The following RNLS variants were observed in gnomAD, a reference collection of about 807,000 sequenced individuals.
RNLS encodes the protein renalase, FAD dependent amine oxidase, also known as renalase.
In RNLS, 39 loss-of-function variants were observed where a neutral mutation model predicts 39.8. The ratio of observed to expected loss-of-function variants is 0.98; its 90% CI spans 0.76 to 1.28. The LOEUF (loss-of-function observed/expected upper bound fraction) is 1.28. Among genes scored for constraint, RNLS ranks in the 50% most tolerant of loss-of-function variants. The pLI, the probability that RNLS is intolerant of heterozygous loss-of-function variation, is 0.00. For missense variants in RNLS, 410 were observed against 413.3 expected, an observed-to-expected ratio of 0.99 and a Z score of 0.07; for synonymous variants, 147 against 150.7, an observed-to-expected ratio of 0.98 and a Z score of 0.18.
chr10:88,238,936 C>T, the RNLS span, among the ~76,000 whole-genome samples: 3 of 152,056 alleles, frequency 2.0e-5, no homozygotes, highest in Non-Finnish European at 4.4e-5. Context: ...CCTATGCCAG[C>T]CATGTGGTAG....
At chr10:88,413,054 T>C (rs113821058) in intron 4 of RNLS, among the ~76,000 whole-genome samples, 2,904 of 152,276 alleles carry the variant, frequency 0.019, 100 homozygotes, top group African/African-American at 0.066. Context: ...TGGGAGAGAA[T>C]GTCAGTAACA....
chr10:88,362,554 A>G lies in RNLS; in HGVS notation c.698T>C (p.Ile233Thr). The G allele has an allele frequency of 6.2e-7, 1 of 1,613,610 alleles. No homozygotes were observed. The highest frequency in any genetic ancestry group is 1.3e-5 in the African/African-American group (1 of 75,022). Residue 233 changes from isoleucine (I) to threonine (T), a missense_variant and splice_region_variant, in exon 5 of 7, where the codon ATA (isoleucine) becomes ACA (threonine). Transcript: ENST00000331772. Reference protein sequence around the residue: ...FVSIDNKKRNIESSEIGPSLV... With the variant: ...FVSIDNKKRNTESSEIGPSLV... ...AGGGAAATAATAGGGGTACTGACCT[A>G]TATTGCGCTTCTTATTATCAATGGA...
chr10:88,214,498 CAAAAAAAAAAAAA>C, the RNLS span, among the ~76,000 whole-genome samples: 1 of 135,128 alleles, frequency 7.4e-6, no homozygotes, highest in Non-Finnish European at 1.6e-5. Flanking sequence ...GACTCCGTCT[CAAAAAAAAAAAAA>C]AAAAAAAAAA....
chr10:88,455,923 C>G (rs1842605468), intron 4 of RNLS, among the ~76,000 whole-genome samples: 1 of 152,170 alleles, frequency 6.6e-6, no homozygotes, highest in South Asian at 2.1e-4. Flanking sequence ...TAATCTACCT[C>G]CATTAAAAGC....
chr10:88,427,437 T>C (rs910206934), intron 4 of RNLS, among the ~76,000 whole-genome samples: 2 of 152,062 alleles, frequency 1.3e-5, no homozygotes, highest in Non-Finnish European at 2.9e-5. Context: ...TGTTGATCTC[T>C]TTCCAATATC....
At chr10:88,550,592 G>A (rs567554353) in intron 4 of RNLS, among the ~76,000 whole-genome samples, 1 of 152,112 alleles carries the variant, frequency 6.6e-6, no homozygotes, top group East Asian at 1.9e-4. Context: ...TTGAATATAA[G>A]CCTTTTTGTT....
At chr10:88,497,804 T>C (rs536513998) in intron 4 of RNLS, among the ~76,000 whole-genome samples, 1 of 151,702 alleles carries the variant, frequency 6.6e-6, no homozygotes, top group Non-Finnish European at 1.5e-5. Flanking sequence ...AGGGAAGGTG[T>C]GAGGAGGAAG....
intron 4 of RNLS, among the ~76,000 whole-genome samples, chr10:88,469,321 T>G (rs961264846): frequency 6.6e-6 from 1 of 152,164 alleles, no homozygotes; most frequent in Non-Finnish European, 1.5e-5. Flanking sequence ...TTTTCCACAG[T>G]GACTGTTTGA....
At chr10:88,545,484 CA>C in intron 4 of RNLS, 2 of 455,784 alleles carry the variant, frequency 4.4e-6, no homozygotes, top group Non-Finnish European at 8.8e-6. Flanking sequence ...AGCATATGTA[CA>C]ACTGCCCTTT....
At chr10:88,501,082 T>C (rs1232995827) in intron 4 of RNLS, among the ~76,000 whole-genome samples, 2 of 151,962 alleles carry the variant, frequency 1.3e-5, no homozygotes, top group South Asian at 2.1e-4. Flanking sequence ...AAGTGCTTAA[T>C]ATAAGTCAGC....
the RNLS span, among the ~76,000 whole-genome samples, chr10:88,221,931 A>G: frequency 6.6e-6 from 1 of 152,120 alleles, no homozygotes. Context: ...TCTATTTGTT[A>G]TAATTGAACT....
chr10:88,385,144 C>A (rs1394594849), intron 4 of RNLS, among the ~76,000 whole-genome samples: 2 of 152,148 alleles, frequency 1.3e-5, no homozygotes, highest in Admixed American at 1.3e-4. Context: ...TTGGATTAGC[C>A]TTTCTACACT....
At chr10:88,460,537 A>G (rs1002333993) in intron 4 of RNLS, among the ~76,000 whole-genome samples, 32 of 151,998 alleles carry the variant, frequency 2.1e-4, no homozygotes, top group Admixed American at 2.0e-4. Flanking sequence ...ACCTATCACA[A>G]TCTATGATTG....
chr10:88,395,474 A>G (rs1160111792), intron 4 of RNLS, among the ~76,000 whole-genome samples: 1 of 152,048 alleles, frequency 6.6e-6, no homozygotes, highest in Admixed American at 6.6e-5. Context: ...AAATTTTACT[A>G]GAGGGGCTCG....
chr10:88,265,072 G>GCACCATTT, the RNLS span, among the ~76,000 whole-genome samples: 1 of 152,162 alleles, frequency 6.6e-6, no homozygotes, highest in Admixed American at 6.5e-5. Flanking sequence ...AATTAGCCCA[G>GCACCATTT]CACCATTTGT....
At chr10:88,309,142 G>A (rs988632452) in intron 6 of RNLS, among the ~76,000 whole-genome samples, 1 of 152,070 alleles carries the variant, frequency 6.6e-6, no homozygotes, top group Non-Finnish European at 1.5e-5. Context: ...GTATAGGGTG[G>A]GAGAAGGGAG....
the RNLS span, among the ~76,000 whole-genome samples, chr10:88,206,614 C>A: frequency 6.6e-6 from 1 of 152,108 alleles, no homozygotes; most frequent in Admixed American, 6.6e-5. Context: ...TTTCTCCAAA[C>A]CCCCTCTTCT....
intron 4 of RNLS, among the ~76,000 whole-genome samples, chr10:88,537,551 A>G (rs112107857): frequency 6.6e-6 from 1 of 152,220 alleles, no homozygotes; most frequent in East Asian, 1.9e-4. Context: ...TACGTGTAAC[A>G]TTAAGAGATT....
chr10:88,565,738 G>A (rs899340739), intron 4 of RNLS, among the ~76,000 whole-genome samples: 11 of 143,310 alleles, frequency 7.7e-5, no homozygotes, highest in Non-Finnish European at 1.4e-4. Flanking sequence ...CAGTGTCAAC[G>A]TTATCTTTCT....
Sources: allele counts gnomAD v4.1 joint callset (sites outside exome capture counted in the v4.1 genomes callset), GRCh38; gene constraint gnomAD v4.1.1; transcripts MANE v1.5; gene names NCBI Gene and HGNC (gene_info 2026-07-23, HGNC 2026-07-21).